Variants in FA2H observed in about 807,000 individuals in gnomAD.
FA2H encodes the protein fatty acid 2-hydroxylase, also known as fatty acid alpha-hydroxylase.
In FA2H, 22 loss-of-function variants were observed where a neutral mutation model predicts 44.9. The ratio of observed to expected loss-of-function variants is 0.49; its 90% CI spans 0.35 to 0.70. The LOEUF (loss-of-function observed/expected upper bound fraction) is 0.70. FA2H is among the 30% of genes least tolerant of loss of function. FA2H has a pLI of 0.01. For missense variants in FA2H, 501 were observed against 504.9 expected, an observed-to-expected ratio of 0.99 and a Z score of 0.07; for synonymous variants, 243 against 213.2, an observed-to-expected ratio of 1.14 and a Z score of -1.22.
chr16:74,728,675 C>T (rs978789749), intron 2 of FA2H, among the ~76,000 whole-genome samples: 2 of 150,512 alleles, frequency 1.3e-5, no homozygotes, highest in African/African-American at 2.4e-5. Context: ...TGTACTCCAT[C>T]GGTACTCACA....
chr16:74,772,258 C>G (rs992036860), intron 1 of FA2H, among the ~76,000 whole-genome samples: 1 of 152,170 alleles, frequency 6.6e-6, no homozygotes, highest in African/African-American at 2.4e-5. Context: ...TCCCTTTGCC[C>G]AAAATATTCT....
intron 1 of FA2H, among the ~76,000 whole-genome samples, chr16:74,771,337 T>G (rs1457970377): frequency 6.6e-6 from 1 of 151,928 alleles, no homozygotes; most frequent in Non-Finnish European, 1.5e-5. Context: ...ATTACAGGCA[T>G]GCACCACCAC....
chr16:74,757,413 GT>G, intron 1 of FA2H, among the ~76,000 whole-genome samples: 1 of 152,286 alleles, frequency 6.6e-6, no homozygotes, highest in Non-Finnish European at 1.5e-5. Flanking sequence ...TGGTACAACT[GT>G]TTTGGGGGCA....
At chr16:74,727,549 C>T (rs1961985689) in intron 2 of FA2H, among the ~76,000 whole-genome samples, 163 bp from the exon 3 acceptor site, 1 of 152,236 alleles carries the variant, frequency 6.6e-6, no homozygotes, top group African/African-American at 2.4e-5. Context: ...ACTGACCAAG[C>T]TGCTCATCCC....
intron 1 of FA2H, among the ~76,000 whole-genome samples, chr16:74,741,806 A>ATGTGTG (rs1482714202): frequency 0.012 from 718 of 60,524 alleles, no homozygotes; most frequent in South Asian, 0.019. Flanking sequence ...ATATATATAT[A>ATGTGTG]TATGTGTGTG....
chr16:74,763,057 T>A (rs919936744), intron 1 of FA2H, among the ~76,000 whole-genome samples: 1 of 152,206 alleles, frequency 6.6e-6, no homozygotes, highest in African/African-American at 2.4e-5. Context: ...GCTGGATTTA[T>A]TCAGTCCAGC....
intron 3 of FA2H, among the ~76,000 whole-genome samples, chr16:74,726,892 C>G (rs1342125520): frequency 6.6e-6 from 1 of 152,210 alleles, no homozygotes; most frequent in Non-Finnish European, 1.5e-5. Context: ...GTCCCCAGGG[C>G]TACTGACTCT....
intron 2 of FA2H, among the ~76,000 whole-genome samples, chr16:74,738,606 A>G (rs1430712813): frequency 6.6e-6 from 1 of 152,166 alleles, no homozygotes; most frequent in Non-Finnish European, 1.5e-5. Context: ...GCCCTAAGCC[A>G]AGCTCACAGA....
intron 1 of FA2H, among the ~76,000 whole-genome samples, chr16:74,767,468 G>C (rs1962830798): frequency 6.6e-6 from 1 of 152,204 alleles, no homozygotes; most frequent in Admixed American, 6.5e-5. Flanking sequence ...AAGGGACTCT[G>C]CAGATGTCAT....
intron 2 of FA2H, 32 bp from the exon 3 acceptor site, chr16:74,727,418 T>C: frequency 2.5e-6 from 4 of 1,611,366 alleles, no homozygotes; most frequent in Non-Finnish European, 3.4e-6. Context: ...GGACGTTTGA[T>C]ATTCACGTCT....
At position 74,719,575 on chromosome 16, in the gene FA2H, G is replaced by A. The variant is rs532766773; in HGVS notation, c.614-415C>T. On this transcript the variant is annotated intron_variant, in intron 4 of 6. Transcript: ENST00000219368. ...GTCGCCCAGGTTGGAAGACTGGAGTGCTGGAGTGCTGGAGGGCAGTGGTGT... is the reference window on the plus strand; with the variant it reads ...GTCGCCCAGGTTGGAAGACTGGAGTACTGGAGTGCTGGAGGGCAGTGGTGT... Among the ~76,000 whole-genome samples, 4 of 152,254 alleles carry A rather than the reference G, an allele frequency of 2.6e-5. No homozygotes were observed. The South Asian group carries it at 8.3e-4, about 32-fold the overall frequency.
rs561380331 is a variant in FA2H, at chr16:74,748,969, G to T, written c.271-8854C>A. On this transcript the variant is annotated intron_variant, in intron 1 of 6. Coordinates refer to ENST00000219368, the MANE Select transcript of FA2H (RefSeq NM_024306.5). The stretch of plus-strand genomic sequence containing the variant: ...TGGAGGCCCAGGGGGAAGGTGGGGG[G>T]TCCAGGTGTCGCAGCGCCCCTGGGT... Among the ~76,000 whole-genome samples the T allele has an allele frequency of 5.3e-5, 8 of 152,302 alleles. No homozygotes were observed. The South Asian group carries it at 8.3e-4, about 16-fold the overall frequency.
At chr16:74,763,456 C>A (rs1033310408) in intron 1 of FA2H, among the ~76,000 whole-genome samples, 4 of 152,142 alleles carry the variant, frequency 2.6e-5, no homozygotes, top group Non-Finnish European at 5.9e-5. Flanking sequence ...CGAGGTCTCA[C>A]CATGTTGGCC....
At chr16:74,754,860 A>G (rs1431769720) in intron 1 of FA2H, among the ~76,000 whole-genome samples, 1 of 152,036 alleles carries the variant, frequency 6.6e-6, no homozygotes, top group Non-Finnish European at 1.5e-5. Flanking sequence ...TCAATGTAAG[A>G]TGAGGTCATG....
chr16:74,773,968 G>C (rs1962957540), intron 1 of FA2H, among the ~76,000 whole-genome samples: 1 of 152,208 alleles, frequency 6.6e-6, no homozygotes, highest in Admixed American at 6.5e-5. Flanking sequence ...GGCAAGGCCA[G>C]GGCGGCACCA....
rs1192328947 is a variant in FA2H at position 74,713,048 on chromosome 16, C to A, written c.*1142G>T. On this transcript the variant is annotated 3_prime_UTR_variant, in exon 7 of 7. Coordinates refer to ENST00000219368, the MANE Select transcript of FA2H (RefSeq NM_024306.5). ...TAGTTTTGTATATTTATTCCAAAAT[C>A]TTTAAATAGCTCCGCAGCAAACAGT... The A allele has an allele frequency of 6.6e-6, 1 of 152,620 alleles. No homozygotes were observed. The highest frequency in any genetic ancestry group is 6.5e-5 in the Admixed American group (1 of 15,276). 9.5% of individuals were successfully genotyped at this position (152,620 alleles called of 1,614,324 possible).
intron 2 of FA2H, among the ~76,000 whole-genome samples, chr16:74,739,264 T>G (rs1962244343): frequency 6.6e-6 from 1 of 152,152 alleles, no homozygotes; most frequent in Non-Finnish European, 1.5e-5. Flanking sequence ...GCAGAGGGCA[T>G]GCAGGGTAGG....
intron 4 of FA2H, among the ~76,000 whole-genome samples, chr16:74,725,242 G>A (rs1461570910): frequency 6.6e-6 from 1 of 152,162 alleles, no homozygotes; most frequent in African/African-American, 2.4e-5. Flanking sequence ...CGTGACCATG[G>A]CCCCTCTCAT....
At chr16:74,722,406 C>T (rs1239233093) in intron 4 of FA2H, among the ~76,000 whole-genome samples, 1 of 152,114 alleles carries the variant, frequency 6.6e-6, no homozygotes, top group Non-Finnish European at 1.5e-5. Flanking sequence ...CATGGTGGCT[C>T]ATGCCTATAG....
Sources: allele counts gnomAD v4.1 joint callset (sites outside exome capture counted in the v4.1 genomes callset), GRCh38; gene constraint gnomAD v4.1.1; transcripts MANE v1.5; gene names NCBI Gene and HGNC (gene_info 2026-07-23, HGNC 2026-07-21).